GBF1: variants seen among roughly 807,000 people sequenced by gnomAD.
GBF1 encodes golgi brefeldin A resistant guanine nucleotide exchange factor 1.
In GBF1, 114 loss-of-function variants were observed where a neutral mutation model predicts 210.5. The ratio of observed to expected loss-of-function variants is 0.54; its 90% confidence interval spans 0.47 to 0.63. GBF1 has a LOEUF of 0.63. Among genes scored for constraint, GBF1 ranks in the 30% least tolerant of loss-of-function variants. The probability of loss-of-function intolerance (pLI) is 0.00; values close to 1 mark genes in which losing one functional copy is unlikely to be tolerated. For synonymous variants in GBF1, 850 were observed against 889.2 expected, an observed-to-expected ratio of 0.96 and a Z score of 0.78; for missense variants, 1,851 against 2,357.7, an observed-to-expected ratio of 0.79 and a Z score of 4.45.
At chr10:102,238,354 C>T in the GBF1 span, among the ~76,000 whole-genome samples, 21 of 152,236 alleles carry the variant, frequency 1.4e-4, no homozygotes, top group Non-Finnish European at 2.4e-4. Context: ...TTTGCCCTCC[C>T]GTCCTGAACC....
In GBF1 at chr10:102,375,504, C is replaced by G. The variant is rs1490186489; in HGVS notation, c.3806C>G (p.Thr1269Arg). The change falls in exon 30 of 40, where the codon ACA becomes AGA. Residue 1269 changes from threonine to arginine, a missense_variant. Thr to Arg is a moderately conservative substitution (Grantham distance 71, BLOSUM62 -1). Around this residue, in one of 3 missense-constraint regions of GBF1, gnomAD observed 967 missense variants for 1,247.7 expected, o/e 0.78. Transcript: ENST00000369983. The stretch of plus-strand genomic sequence containing the variant: ...GGTGATGACTGGGCCACACTCTTCA[C>G]ACTGCTGGAGTGCATCGGCTCAGGT... ...HSGDDWATLF[T>R]LLECIGSGVK... The G allele has an allele frequency of 4.3e-6, 7 of 1,614,100 alleles. No homozygotes were observed.
In GBF1 at chr10:102,360,239, C is replaced by G. The variant is rs1454140356; in HGVS notation, c.1236C>G (p.Leu412=). The stretch of plus-strand genomic sequence containing the variant: ...GCATCCGCGAGCTCTTCCGCTTCCT[C>G]ATCTCCCTCACCAATCCACACGACC... ...LPCIRELFRF[L]ISLTNPHDRH... is the part of the protein sequence containing the mutation. Residue 412 remains leucine (L), a synonymous_variant, in exon 12 of 40, where the codon CTC becomes CTG. Coordinates refer to ENST00000369983, the MANE Select transcript of GBF1 (RefSeq NM_001377137.1). 18 of 1,613,940 alleles carry G rather than the reference C, an allele frequency of 1.1e-5. No homozygotes were observed. The highest frequency in any genetic ancestry group is 1.5e-5 in the Non-Finnish European group (18 of 1,179,908).
intron 3 of GBF1, among the ~76,000 whole-genome samples, chr10:102,271,861 C>T: frequency 6.6e-6 from 1 of 151,902 alleles, no homozygotes; most frequent in East Asian, 1.9e-4. Flanking sequence ...AAGTGATCCT[C>T]CCACCTCAGC....
rs143111455 is a variant in GBF1, at chr10:102,269,709, C to T, written c.163+9593C>T. On this transcript the variant is annotated intron_variant, in intron 3 of 39. Coordinates refer to ENST00000369983, the MANE Select transcript of GBF1 (RefSeq NM_001377137.1). ...AAGAGGATGTAGAATGAGAAAGCCT[C>T]ATTCCAAATGAGTTTTTGCATTTAA... is the stretch of plus-strand genomic sequence containing the variant. Among the ~76,000 whole-genome samples the T allele has an allele frequency of 6.8e-3, 1,040 of 152,218 alleles. 7 individuals are homozygous for T. Among genetic ancestry groups the T allele is most frequent in the Middle Eastern group, 0.02 (6 of 294 alleles).
rs758977465 is a variant in GBF1 at position 102,379,845 on chromosome 10, C to T, written c.4777-8C>T. 8.7e-6 allele frequency: 14 copies of T among 1,603,172 alleles called. No homozygotes were observed. The East Asian group carries it at 1.3e-4, about 15-fold the overall frequency. On this transcript the variant is annotated splice_polypyrimidine_tract_variant and splice_region_variant and intron_variant, in intron 35 of 39. Coordinates refer to ENST00000369983, the MANE Select transcript of GBF1 (RefSeq NM_001377137.1). The stretch of plus-strand genomic sequence containing the variant: ...CATAGGGAGACATTGCACATTTACC[C>T]CCACCAGGTGCTGTTTCCTCTACTT...
intron 3 of GBF1, among the ~76,000 whole-genome samples, chr10:102,296,671 G>A (rs11598473): frequency 0.13 from 19,300 of 151,614 alleles, 1,477 homozygotes; most frequent in Non-Finnish European, 0.17. Context: ...AACCCGGGAG[G>A]TGGAGGTTGC....
chr10:102,350,685 C>T (rs980530613), intron 4 of GBF1, among the ~76,000 whole-genome samples: 3 of 152,106 alleles, frequency 2.0e-5, no homozygotes, highest in African/African-American at 7.2e-5. Context: ...AACACAAATT[C>T]TCAGGCCCCA....
intron 39 of GBF1, 61 bp from the exon 40 acceptor site, chr10:102,381,995 T>C: frequency 1.5e-6 from 2 of 1,376,248 alleles, no homozygotes; most frequent in Non-Finnish European, 9.9e-7. Flanking sequence ...AGCTGGGCAA[T>C]GTGAGAGTTG....
chr10:102,260,473 C>CTCTTTTTTTTT (rs2073056936), intron 3 of GBF1, among the ~76,000 whole-genome samples: 4 of 74,792 alleles, frequency 5.3e-5, no homozygotes, highest in African/African-American at 2.8e-4. Context: ...ATTTTCCTTT[C>CTCTTTTTTTTT]TTCTTTTTTT....
the GBF1 span, chr10:102,232,013 G>C: frequency 1.9e-6 from 3 of 1,609,990 alleles, no homozygotes; most frequent in Non-Finnish European, 2.5e-6. Flanking sequence ...GGGGTGCGGA[G>C]TGCCAGCGTC....
intron 3 of GBF1, among the ~76,000 whole-genome samples, chr10:102,303,533 A>G (rs868762993): frequency 2.0e-5 from 3 of 152,210 alleles, no homozygotes; most frequent in Non-Finnish European, 2.9e-5. Context: ...TTCTACTGCT[A>G]TGGCTGCCTA....
chr10:102,242,288 A>G (rs1170882183), upstream of GBF1, among the ~76,000 whole-genome samples: 1 of 152,004 alleles, frequency 6.6e-6, no homozygotes, highest in Non-Finnish European at 1.5e-5. Flanking sequence ...AGTAACTATC[A>G]TCTCCCTCCC....
chr10:102,251,666 G>A (rs1167838107), intron 1 of GBF1, among the ~76,000 whole-genome samples: 1 of 152,056 alleles, frequency 6.6e-6, no homozygotes, highest in East Asian at 1.9e-4. Context: ...TGATCCTCCT[G>A]CCTTAGCCTC....
intron 3 of GBF1, among the ~76,000 whole-genome samples, chr10:102,323,575 C>CT (rs552692343): frequency 3.1e-3 from 431 of 139,304 alleles, no homozygotes; most frequent in African/African-American, 5.5e-3. Flanking sequence ...TTTTTTCTGT[C>CT]TTTTTTTTTT....
intron 3 of GBF1, among the ~76,000 whole-genome samples, chr10:102,297,806 A>G (rs1214903381): frequency 2.0e-5 from 3 of 152,262 alleles, no homozygotes; most frequent in Non-Finnish European, 2.9e-5. Context: ...ATCAAGTAGT[A>G]TAAAACTCAG....
At chr10:102,246,102 T>A (rs556491730) in intron 1 of GBF1, among the ~76,000 whole-genome samples, 45 of 152,356 alleles carry the variant, frequency 3.0e-4, no homozygotes, top group African/African-American at 1.1e-3. Flanking sequence ...AAGAGCCCAG[T>A]ACTCAAAAGC....
Position 102,356,081 on chromosome 10 carries a change from G to C in GBF1, c.640-1958G>C, listed in dbSNP as rs547558668. Among the ~76,000 whole-genome samples, 14 of 152,256 alleles carry C rather than the reference G, an allele frequency of 9.2e-5. No individual in the cohort carries two copies. In the South Asian group the frequency reaches 2.9e-3, roughly 32 times the overall value. On this transcript the variant is annotated intron_variant, in intron 8 of 39. Coordinates refer to ENST00000369983, the MANE Select transcript of GBF1 (RefSeq NM_001377137.1). Reference sequence around the variant, plus strand: ...GGCTGTTGCTATGTTACTAAGAGCTGGGGGAAGGAAGGGCTCAGCTGTTCA... The same window carrying C: ...GGCTGTTGCTATGTTACTAAGAGCTCGGGGAAGGAAGGGCTCAGCTGTTCA...
In GBF1 at chr10:102,368,911, A is replaced by C. The variant is rs914298060; in HGVS notation, c.2973+79A>C. 5.0e-6 allele frequency: 5 copies of C among 999,658 alleles called. No homozygotes were observed. The African/African-American group carries it at 6.3e-5, about 13-fold the overall frequency. The allele number at this position is 999,658 out of a possible 1,614,324, so 61.9% of individuals were successfully genotyped here. ...TAGCCATGGATCTACCCTTATCAAC[A>C]GACCTGGTTGCCCTCAGCGTCTTCC... On this transcript the variant is annotated intron_variant, in intron 23 of 39. Transcript: ENST00000369983.
chr10:102,315,041 G>T (rs757209312), intron 3 of GBF1, among the ~76,000 whole-genome samples: 3 of 152,182 alleles, frequency 2.0e-5, no homozygotes, highest in Admixed American at 6.5e-5. Context: ...GGTCACATAT[G>T]GGGGGACCTT....
Sources: gnomAD v4.1 joint callset for allele counts (sites outside exome capture counted in the v4.1 genomes callset) on GRCh38, gnomAD v4.1.1 for gene constraint, gnomAD v4.1.1 regional missense constraint, MANE v1.5 for transcripts, NCBI Gene and HGNC (gene_info 2026-07-23, HGNC 2026-07-21) for gene names.